The following SYT1 variants were observed in gnomAD, a reference collection of about 807,000 sequenced individuals.
The protein encoded by SYT1 is synaptotagmin-1.
SYT1 carries 8 observed loss-of-function variants against 44.8 expected under a neutral mutation model. The ratio of observed to expected loss-of-function variants is 0.18; its 90% CI spans 0.10 to 0.32. The LOEUF (loss-of-function observed/expected upper bound fraction) is 0.32, where lower values mean the gene tolerates loss of function less well. Ranked by LOEUF, SYT1 falls within the 10% of genes least tolerant of loss-of-function variation. The pLI, the probability that SYT1 is intolerant of heterozygous loss-of-function variation, is 1.00. For synonymous variants in SYT1, 154 were observed against 188.8 expected (o/e 0.82, Z 1.51); for missense variants, 286 against 509.3 (o/e 0.56, Z 4.22).
At chr12:79,173,540 G>A (rs1871680597) in intron 3 of SYT1, among the ~76,000 whole-genome samples, 1 of 152,026 alleles carries the variant, frequency 6.6e-6, no homozygotes, top group Non-Finnish European at 1.5e-5. Flanking sequence ...AAAAATAAGT[G>A]TTCCCATCCT....
chr12:79,070,896 A>G (rs1377864450), intron 3 of SYT1, among the ~76,000 whole-genome samples: 2 of 152,172 alleles, frequency 1.3e-5, no homozygotes, highest in Non-Finnish European at 2.9e-5. Flanking sequence ...GAAAAAAAAG[A>G]AAGAAAATTG....
intron 3 of SYT1, among the ~76,000 whole-genome samples, chr12:79,174,370 T>C (rs1207274429): frequency 6.6e-6 from 1 of 151,894 alleles, no homozygotes; most frequent in Non-Finnish European, 1.5e-5. Flanking sequence ...GGAAGTGGTA[T>C]TGGCTGATAA....
intron 8 of SYT1, among the ~76,000 whole-genome samples, chr12:79,349,994 C>T (rs1882817749): frequency 6.6e-6 from 1 of 152,134 alleles, no homozygotes. Context: ...CTTTTCTTCT[C>T]ATCACAGAAG....
intron 2 of SYT1, among the ~76,000 whole-genome samples, chr12:79,036,281 G>A (rs973894814): frequency 1.3e-5 from 2 of 151,704 alleles, no homozygotes; most frequent in Admixed American, 6.6e-5. Flanking sequence ...TACCTGACAA[G>A]CTTGTAGGAA....
At chr12:78,877,456 T>C (rs1874235157) in intron 1 of SYT1, among the ~76,000 whole-genome samples, 1 of 151,636 alleles carries the variant, frequency 6.6e-6, no homozygotes, top group African/African-American at 2.4e-5. Context: ...CTAAACCATA[T>C]CAATGAGTAA....
chr12:79,352,191 C>A (rs1286955969), intron 8 of SYT1, among the ~76,000 whole-genome samples: 2 of 150,444 alleles, frequency 1.3e-5, no homozygotes, highest in African/African-American at 4.9e-5. Context: ...AATACACCCC[C>A]CCCCCAAAAA....
intron 9 of SYT1, among the ~76,000 whole-genome samples, chr12:79,370,928 A>G (rs1032628176): frequency 3.9e-5 from 6 of 152,162 alleles, no homozygotes; most frequent in Non-Finnish European, 8.8e-5. Context: ...CCTAAAGACA[A>G]CATCAGCCCA....
At chr12:79,420,598 A>C in intron 9 of SYT1, among the ~76,000 whole-genome samples, 1 of 152,270 alleles carries the variant, frequency 6.6e-6, no homozygotes, top group East Asian at 1.9e-4. Context: ...AGGAGGAGGT[A>C]GGGAAACAGA....
intron 3 of SYT1, among the ~76,000 whole-genome samples, chr12:79,115,426 A>G (rs1879223162): frequency 6.6e-6 from 1 of 152,188 alleles, no homozygotes; most frequent in Admixed American, 6.5e-5. Flanking sequence ...CACTTCTACC[A>G]CCTCAACCCA....
At chr12:79,136,739 A>G (rs1869217283) in intron 3 of SYT1, among the ~76,000 whole-genome samples, 3 of 152,154 alleles carry the variant, frequency 2.0e-5, no homozygotes, top group Admixed American at 2.0e-4. Flanking sequence ...AATATGTTTG[A>G]TGAAGTTATT....
chr12:79,173,719 T>C (rs1871690328), intron 3 of SYT1, among the ~76,000 whole-genome samples: 1 of 152,028 alleles, frequency 6.6e-6, no homozygotes, highest in Non-Finnish European at 1.5e-5. Flanking sequence ...TTGTAAAACG[T>C]CCAGAAGAAA....
intron 1 of SYT1, among the ~76,000 whole-genome samples, chr12:78,895,241 TA>T (rs147783551): frequency 2.6e-5 from 4 of 151,522 alleles, no homozygotes; most frequent in African/African-American, 7.3e-5. Context: ...TGAGCAAAGA[TA>T]AAAAAGTGTT....
At chr12:79,322,278 CTG>C (rs1308694919) in intron 8 of SYT1, among the ~76,000 whole-genome samples, 1 of 152,144 alleles carries the variant, frequency 6.6e-6, no homozygotes, top group Admixed American at 6.6e-5. Context: ...TATTCTGAGA[CTG>C]TGAAAATTGA....
intron 9 of SYT1, among the ~76,000 whole-genome samples, chr12:79,364,539 A>C (rs1050757331): frequency 3.9e-5 from 6 of 152,304 alleles, no homozygotes; most frequent in African/African-American, 1.4e-4. Context: ...TTTGCGGTAC[A>C]TCATTTTCAA....
chr12:79,360,033 G>C (rs749127319), intron 9 of SYT1, among the ~76,000 whole-genome samples: 1 of 152,136 alleles, frequency 6.6e-6, no homozygotes, highest in South Asian at 2.1e-4. Context: ...GTATCTAGGG[G>C]TGGGAACCTG....
chr12:79,192,573 G>A (rs1347863918), intron 3 of SYT1, among the ~76,000 whole-genome samples: 1 of 152,098 alleles, frequency 6.6e-6, no homozygotes, highest in Non-Finnish European at 1.5e-5. Context: ...TGTGGAGGGT[G>A]GGGAAAGGAT....
intron 4 of SYT1, among the ~76,000 whole-genome samples, chr12:79,242,603 TTCAGAAATTGAAGA>T (rs747786176): frequency 1.3e-5 from 2 of 152,150 alleles, no homozygotes; most frequent in African/African-American, 2.4e-5. Context: ...GTAAAACAAT[TTCAGAAATTGAAGA>T]TCAGAAATTG....
chr12:79,214,919 G>T (rs1031460018), intron 3 of SYT1, among the ~76,000 whole-genome samples: 3 of 147,468 alleles, frequency 2.0e-5, no homozygotes, highest in African/African-American at 5.1e-5. Context: ...TTTTGAATAC[G>T]TGCCTGTAAT....
chr12:79,285,165 T>C (rs1879247788), intron 4 of SYT1, among the ~76,000 whole-genome samples: 2 of 152,212 alleles, frequency 1.3e-5, no homozygotes, highest in African/African-American at 4.8e-5. Flanking sequence ...GTACTTTTAA[T>C]TAACCTTCAC....
Sources: allele counts gnomAD v4.1 joint callset (sites outside exome capture counted in the v4.1 genomes callset), GRCh38; gene constraint gnomAD v4.1.1; transcripts MANE v1.5; gene names NCBI Gene and HGNC (gene_info 2026-07-23, HGNC 2026-07-21).